ZMYM4: variants seen among roughly 807,000 people sequenced by gnomAD.
ZMYM4 encodes zinc finger MYM-type protein 4.
A neutral mutation model predicts 183.2 loss-of-function variants in ZMYM4; 31 were observed. The observed-to-expected ratio is 0.17, with a 90% CI of 0.13 to 0.23. The LOEUF is 0.23. ZMYM4 is among the 10% of genes least tolerant of loss of function. The probability of loss-of-function intolerance (pLI) is 1.00; values close to 1 mark genes in which losing one functional copy is unlikely to be tolerated. For synonymous variants in ZMYM4, 592 were observed against 631.2 expected (o/e 0.94, Z 0.93); for missense variants, 1,273 against 1,840.3 (o/e 0.69, Z 5.64).
At chr1:35,361,156 A>G (rs199546145) in intron 3 of ZMYM4, 38 bp from the exon 4 acceptor site, 3 of 1,527,592 alleles carry the variant, frequency 2.0e-6, no homozygotes, top group African/African-American at 1.4e-5. Flanking sequence ...TGTTATTCAT[A>G]TACATGTGTT....
rs114920963 is a variant in ZMYM4, at chr1:35,407,572, A to G, written c.3797-436A>G. On this transcript the variant is annotated intron_variant, in intron 25 of 29. Coordinates refer to ENST00000314607, the MANE Select transcript of ZMYM4 (RefSeq NM_005095.3). ...TTGTGTTTTCTGAATATCAAATCTT[A>G]GAAACCCAGTGTTCTCCAGCTCTCA... Among the ~76,000 whole-genome samples the G allele has an allele frequency of 5.4e-3, 816 of 152,332 alleles. 6 individuals carry two copies. Among genetic ancestry groups the G allele is most frequent in the Middle Eastern group, 0.01 (3 of 292 alleles).
chr1:35,270,016 A>G (rs1268609933), intron 1 of ZMYM4, among the ~76,000 whole-genome samples: 2 of 152,236 alleles, frequency 1.3e-5, no homozygotes, highest in African/African-American at 4.8e-5. Flanking sequence ...TACTTTATGA[A>G]GAATGCCCTT....
intron 1 of ZMYM4, among the ~76,000 whole-genome samples, chr1:35,296,528 A>G (rs1037957069): frequency 1.3e-5 from 2 of 152,278 alleles, no homozygotes; most frequent in African/African-American, 4.8e-5. Context: ...TTGGCCTGTA[A>G]AACTGTTTCC....
intron 1 of ZMYM4, among the ~76,000 whole-genome samples, chr1:35,315,084 T>C (rs1305742675): frequency 6.6e-6 from 1 of 151,880 alleles, no homozygotes; most frequent in Non-Finnish European, 1.5e-5. Context: ...GGCCTTTTTT[T>C]TTTTTTTAAA....
Position 35,419,709 on chromosome 1 carries a change from T to C in ZMYM4, c.*32T>C, listed in dbSNP as rs371101207. On this transcript the variant is annotated 3_prime_UTR_variant, in exon 30 of 30. Transcript: ENST00000314607. ...AGTGAGGTTCTTATTTTCATACATATTGGTATGCACCAAACTGTGAATGCA... is the reference window on the plus strand; with the variant it reads ...AGTGAGGTTCTTATTTTCATACATACTGGTATGCACCAAACTGTGAATGCA... The C allele has an allele frequency of 2.0e-5, 32 of 1,608,252 alleles. No homozygotes were observed. Among genetic ancestry groups the C allele is most frequent in the Non-Finnish European group, 2.6e-5 (30 of 1,175,662 alleles).
intron 1 of ZMYM4, among the ~76,000 whole-genome samples, chr1:35,303,143 T>G (rs971826348): frequency 6.8e-6 from 1 of 146,050 alleles, no homozygotes; most frequent in Admixed American, 6.9e-5. Flanking sequence ...AATCCAGAAA[T>G]TAGTTAGGTG....
In ZMYM4 at chr1:35,392,328, G is replaced by A; in HGVS notation, c.2704G>A (p.Val902Met). Residue 902 changes from valine (V) to methionine (M), a missense_variant, in exon 16 of 30, where the codon GTG (valine) becomes ATG (methionine). Val to Met is a conservative substitution (Grantham distance 21). Around this residue, in one of 6 missense-constraint regions of ZMYM4, gnomAD observed 290 missense variants for 353.3 expected, o/e 0.82. Coordinates refer to ENST00000314607, the MANE Select transcript of ZMYM4 (RefSeq NM_005095.3). ...LASAPAAQPT[V>M]NSNSVLQGAV... The stretch of plus-strand genomic sequence containing the variant: ...AAGTGCCCCTGCTGCTCAGCCTACA[G>A]TGAATTCTAACAGTGTCTTACAAGG... The A allele has an allele frequency of 6.2e-7, 1 of 1,614,152 alleles. No individual in the cohort carries two copies. Among genetic ancestry groups the A allele is most frequent in the South Asian group, 1.1e-5 (1 of 91,068 alleles).
intron 26 of ZMYM4, among the ~76,000 whole-genome samples, chr1:35,413,102 A>T (rs949016050): frequency 3.3e-5 from 5 of 151,860 alleles, no homozygotes; most frequent in Non-Finnish European, 7.4e-5. Context: ...AAGTGCAGTG[A>T]TATGATCATA....
chr1:35,371,265 G>A lies in ZMYM4; in HGVS notation c.1181+638G>A, dbSNP rs1032638865. Among the ~76,000 whole-genome samples the A allele has an allele frequency of 2.6e-5, 4 of 151,970 alleles. No individual in the cohort carries two copies. In the Middle Eastern group the frequency reaches 0.014, roughly 517 times the overall value. On this transcript the variant is annotated intron_variant, in intron 7 of 29. Transcript: ENST00000314607. Reference sequence around the variant, plus strand: ...TGAGTAGCTGGGACTACAGGTGCCCGCCACCATGCCCAGCTAATTTTTTCT... The same window carrying A: ...TGAGTAGCTGGGACTACAGGTGCCCACCACCATGCCCAGCTAATTTTTTCT...
intron 1 of ZMYM4, chr1:35,292,067 G>A (rs565104972): frequency 6.6e-6 from 1 of 152,276 alleles, no homozygotes; most frequent in Admixed American, 6.5e-5. Flanking sequence ...TAGAGATTGA[G>A]GCAAGTGAAT....
At chr1:35,329,884 A>G (rs1243409333) in intron 2 of ZMYM4, among the ~76,000 whole-genome samples, 1 of 152,132 alleles carries the variant, frequency 6.6e-6, no homozygotes, top group African/African-American at 2.4e-5. Flanking sequence ...ATTAATTAGA[A>G]TATTAGGTTT....
intron 1 of ZMYM4, among the ~76,000 whole-genome samples, chr1:35,282,980 G>GTTTT (rs775211352): frequency 0.018 from 465 of 26,254 alleles, 217 homozygotes; most frequent in Non-Finnish European, 0.041. Context: ...TGTGTGTGTG[G>GTTTT]TTTTTTTTTT....
At chr1:35,352,835 A>G (rs1228632388) in intron 2 of ZMYM4, among the ~76,000 whole-genome samples, 2 of 152,210 alleles carry the variant, frequency 1.3e-5, no homozygotes, top group Non-Finnish European at 2.9e-5. Flanking sequence ...CATCTGTAGT[A>G]AATAAACTCA....
intron 1 of ZMYM4, among the ~76,000 whole-genome samples, chr1:35,308,550 G>T (rs1328725238): frequency 2.0e-5 from 3 of 152,224 alleles, no homozygotes; most frequent in East Asian, 3.9e-4. Flanking sequence ...GAATCAAAGT[G>T]AGTTTTCGTA....
intron 28 of ZMYM4, among the ~76,000 whole-genome samples, chr1:35,417,549 C>T (rs980924396): frequency 6.6e-6 from 1 of 152,152 alleles, no homozygotes; most frequent in Non-Finnish European, 1.5e-5. Flanking sequence ...ATAGAGATGA[C>T]AGCTTCTGCT....
Position 35,269,012 on chromosome 1 carries a change from G to A in ZMYM4, c.-35G>A. The A allele has an allele frequency of 1.3e-6, 2 of 1,522,506 alleles. No homozygotes were observed. Among genetic ancestry groups the A allele is most frequent in the Admixed American group, 2.1e-5 (1 of 48,426 alleles). 94.3% of individuals were successfully genotyped at this position (1,522,506 alleles called of 1,614,324 possible). A position where few individuals can be genotyped will look rare whatever the true frequency, so the allele number is the denominator to read the frequency against. On this transcript the variant is annotated 5_prime_UTR_variant, in exon 1 of 30. Transcript: ENST00000314607. ...GGCCGAGAGGTACCGCCGCCACCGC[G>A]CGGGGAGCCGCAGCGGTTCCGAGCG...
chr1:35,289,582 C>G (rs1489913742), intron 1 of ZMYM4, among the ~76,000 whole-genome samples: 1 of 152,150 alleles, frequency 6.6e-6, no homozygotes, highest in Non-Finnish European at 1.5e-5. Context: ...TACTTAACAC[C>G]TACAGTGTAG....
intron 1 of ZMYM4, among the ~76,000 whole-genome samples, chr1:35,294,849 A>G (rs573657594): frequency 3.9e-5 from 6 of 152,390 alleles, no homozygotes; most frequent in South Asian, 2.1e-4. Context: ...TCACATTTTG[A>G]AAAAGGTAAA....
chr1:35,311,666 C>T (rs1337823699), intron 1 of ZMYM4, among the ~76,000 whole-genome samples: 1 of 151,866 alleles, frequency 6.6e-6, no homozygotes, highest in Non-Finnish European at 1.5e-5. Flanking sequence ...TTTTACTCTC[C>T]CTTTTATGTT....
Sources: gnomAD v4.1 joint callset for allele counts (sites outside exome capture counted in the v4.1 genomes callset) on GRCh38, gnomAD v4.1.1 for gene constraint, gnomAD v4.1.1 regional missense constraint, MANE v1.5 for transcripts, NCBI Gene and HGNC (gene_info 2026-07-23, HGNC 2026-07-21) for gene names.